The following HPGD variants were observed in gnomAD, a reference collection of about 807,000 sequenced individuals.
HPGD encodes 15-hydroxyprostaglandin dehydrogenase, also known as 15-hydroxyprostaglandin dehydrogenase [NAD(+)].
A neutral mutation model predicts 30.0 loss-of-function variants in HPGD; 29 were observed. The ratio of observed to expected loss-of-function variants is 0.97; its 90% CI spans 0.72 to 1.32. The LOEUF (loss-of-function observed/expected upper bound fraction) is 1.32. Ranked by LOEUF, HPGD falls within the 40% of genes most tolerant of loss-of-function variation. The probability of loss-of-function intolerance (pLI) is 0.00; values close to 1 mark genes in which losing one functional copy is unlikely to be tolerated. For synonymous variants in HPGD, 99 were observed against 112.4 expected (o/e 0.88, Z 0.75); for missense variants, 340 against 322.1 (o/e 1.06, Z -0.43).
intron 1 of HPGD, 24 bp from the exon 2 acceptor site, chr4:174,522,091 G>A: frequency 1.2e-6 from 2 of 1,614,060 alleles, no homozygotes; most frequent in Non-Finnish European, 1.7e-6. Flanking sequence ...GAGAGGAATC[G>A]CGGGCCTGCG....
chr4:174,516,254 C>T (rs976478963), intron 3 of HPGD, among the ~76,000 whole-genome samples: 7 of 151,938 alleles, frequency 4.6e-5, no homozygotes, highest in Non-Finnish European at 1.5e-5. Flanking sequence ...TGCCCATCAA[C>T]GGGGGACTGG....
intron 4 of HPGD, among the ~76,000 whole-genome samples, chr4:174,502,227 T>C (rs1006107906): frequency 6.6e-6 from 1 of 152,212 alleles, no homozygotes; most frequent in African/African-American, 2.4e-5. Context: ...GCAAGAAATA[T>C]TTATCTACGA....
rs1579303967 is a variant in HPGD, at chr4:174,518,060, C to T, written c.235G>A (p.Val79Ile). The T allele has an allele frequency of 1.3e-6, 2 of 1,574,944 alleles. No homozygotes were observed. Among genetic ancestry groups the T allele is most frequent in the Non-Finnish European group, 1.7e-6 (2 of 1,144,848 alleles). Residue 79 changes from valine to isoleucine, a missense_variant, in exon 3 of 7, where the codon GTA becomes ATA. Physicochemically the swap from Val to Ile is conservative, Grantham distance 29 (BLOSUM62 3). Transcript: ENST00000296522. ...QQLRDTFRKV[V>I]DHFGRLDILV... ...ATGTCCAGTCTTCCAAAGTGGTCTA[C>T]AACTTTTCTAAAAGTGTCTAATTAT...
intron 4 of HPGD, among the ~76,000 whole-genome samples, chr4:174,499,817 C>G (rs971969988): frequency 6.6e-6 from 1 of 152,198 alleles, no homozygotes; most frequent in Non-Finnish European, 1.5e-5. Context: ...TCTTCCTTGA[C>G]TAGACCCATA....
At chr4:174,508,110 C>T (rs1371683896) in intron 4 of HPGD, 1 of 702,326 alleles carries the variant, frequency 1.4e-6, no homozygotes, top group East Asian at 2.7e-5. Flanking sequence ...TAAAGTAACC[C>T]TGGGAGCTCC....
intron 4 of HPGD, among the ~76,000 whole-genome samples, chr4:174,505,781 A>AG (rs1178330364): frequency 1.3e-5 from 2 of 152,182 alleles, no homozygotes; most frequent in Non-Finnish European, 2.9e-5. Context: ...TTACGAAGAG[A>AG]GGGTGCCAAG....
chr4:174,508,572 C>CTA (rs1322364227), intron 4 of HPGD, 124 bp downstream of exon 4: 30 of 719,056 alleles, frequency 4.2e-5, no homozygotes, highest in Non-Finnish European at 7.6e-5. Flanking sequence ...TTCCATGGAA[C>CTA]TATAAAACGA....
At chr4:174,497,560 T>TTTTCTTTC (rs1264034726) in intron 4 of HPGD, among the ~76,000 whole-genome samples, 2 of 100,850 alleles carry the variant, frequency 2.0e-5, no homozygotes, top group South Asian at 3.5e-4. Context: ...TTTTCTTTCT[T>TTTTCTTTC]TTTCTTTCTT....
At position 174,522,036 on chromosome 4, in the gene HPGD, C is replaced by T. The variant is rs1346754838; in HGVS notation, c.125G>A (p.Gly42Asp). ...ATCCAGGGCAGCTTTACACTGTACA[C>T]CTGCTTCAAGATTCCAATCCACCAG... ...VALVDWNLEA[G>D]VQCKAALDEQ... Residue 42 changes from glycine (G) to aspartate (D), a missense_variant, in exon 2 of 7, where the codon GGT becomes GAT. Gly to Asp is a moderately conservative substitution (Grantham distance 94). Transcript: ENST00000296522. 3 of 1,614,044 alleles carry T rather than the reference C, an allele frequency of 1.9e-6. No homozygotes were observed. The highest frequency in any genetic ancestry group is 1.7e-5 in the Admixed American group (1 of 60,016).
At chr4:174,495,172 T>C (rs1287593093) in intron 5 of HPGD, among the ~76,000 whole-genome samples, 1 of 152,154 alleles carries the variant, frequency 6.6e-6, no homozygotes, top group African/African-American at 2.4e-5. Flanking sequence ...AGCTCCATGT[T>C]CTCACTCCTT....
At chr4:174,495,287 A>C (rs535142368) in intron 5 of HPGD, 6 of 467,616 alleles carry the variant, frequency 1.3e-5, no homozygotes, top group African/African-American at 9.8e-5. Flanking sequence ...TTTTGGAAAT[A>C]AGTACTATCT....
At chr4:174,515,423 A>G (rs980597388) in intron 3 of HPGD, among the ~76,000 whole-genome samples, 109 of 152,298 alleles carry the variant, frequency 7.2e-4, no homozygotes, top group African/African-American at 2.2e-3. Context: ...AGGATGCACT[A>G]TTCAATAAAT....
chr4:174,518,152 AGAGGAATTTCAG>A, intron 2 of HPGD, 75 bp from the exon 3 acceptor site: 1 of 759,674 alleles, frequency 1.3e-6, no homozygotes, highest in Non-Finnish European at 2.3e-6. Flanking sequence ...CTATGCCATG[AGAGGAATTTCAG>A]TTTATTTACC....
chr4:174,520,071 C>T (rs1736013144), intron 2 of HPGD, among the ~76,000 whole-genome samples: 1 of 152,026 alleles, frequency 6.6e-6, no homozygotes, highest in Non-Finnish European at 1.5e-5. Context: ...TATGTTCTAA[C>T]TCTTCATAAC....
At chr4:174,522,520 C>T (rs2110892541), upstream of HPGD, 3 of 1,237,778 alleles carry the variant, frequency 2.4e-6, no homozygotes, top group South Asian at 1.6e-5. Context: ...CTTTTATGCC[C>T]CCCTGCGCGC....
intron 4 of HPGD, chr4:174,508,174 G>A: frequency 1.4e-6 from 1 of 701,092 alleles, no homozygotes. Context: ...TCTGCATACA[G>A]AAGAGATACC....
In HPGD at chr4:174,522,461, A is replaced by C. The variant is rs778786044; in HGVS notation, c.-10T>G. 2 of 1,552,046 alleles carry C rather than the reference A, an allele frequency of 1.3e-6. No individual in the cohort carries two copies. Among genetic ancestry groups the C allele is most frequent in the South Asian group, 2.3e-5 (2 of 85,468 alleles). On this transcript the variant is annotated 5_prime_UTR_variant, in exon 1 of 7. Coordinates refer to ENST00000296522, the MANE Select transcript of HPGD (RefSeq NM_000860.6). ...TGCCGTTCACGTGCATGGTGCAGCCACTGCTGGGGCGGGCGGTGGGCGAGC... is the reference window on the plus strand; with the variant it reads ...TGCCGTTCACGTGCATGGTGCAGCCCCTGCTGGGGCGGGCGGTGGGCGAGC...
At chr4:174,516,010 G>C (rs1380863855) in intron 3 of HPGD, among the ~76,000 whole-genome samples, 2 of 152,140 alleles carry the variant, frequency 1.3e-5, no homozygotes, top group Non-Finnish European at 2.9e-5. Flanking sequence ...TGGCGAGGCT[G>C]TAGAGAAAAG....
intron 4 of HPGD, among the ~76,000 whole-genome samples, chr4:174,499,165 T>A (rs1325145662): frequency 6.6e-6 from 1 of 152,160 alleles, no homozygotes; most frequent in African/African-American, 2.4e-5. Context: ...TTAGACTAAG[T>A]GTGCACGGTA....
Sources: allele counts gnomAD v4.1 joint callset (sites outside exome capture counted in the v4.1 genomes callset), GRCh38; gene constraint gnomAD v4.1.1; transcripts MANE v1.5; gene names NCBI Gene and HGNC (gene_info 2026-07-23, HGNC 2026-07-21).